Variants in HDAC9 observed in about 807,000 individuals in gnomAD.
The protein encoded by HDAC9 is MEF-2 interacting transcription repressor (MITR) protein.
HDAC9 carries 41 observed loss-of-function variants against 139.4 expected under a neutral mutation model. That is an observed-to-expected ratio of 0.29 (90% confidence interval 0.23 to 0.38). HDAC9 has a LOEUF of 0.38. Ranked by LOEUF, HDAC9 falls within the 10% of genes least tolerant of loss-of-function variation. The pLI, the probability that HDAC9 is intolerant of heterozygous loss-of-function variation, is 1.00. For synonymous variants in HDAC9, 517 were observed against 476.2 expected (o/e 1.09, Z -1.12); for missense variants, 1,147 against 1,297.0 (o/e 0.88, Z 1.78).
At chr7:18,418,660 G>C (rs532026550) in intron 1 of HDAC9, among the ~76,000 whole-genome samples, 1 of 151,900 alleles carries the variant, frequency 6.6e-6, no homozygotes, top group African/African-American at 2.4e-5. Flanking sequence ...TTTTTACTTT[G>C]TCATTCTTAT....
intron 2 of HDAC9, among the ~76,000 whole-genome samples, chr7:18,559,566 C>T (rs1819938954): frequency 6.6e-6 from 1 of 152,090 alleles, no homozygotes; most frequent in Non-Finnish European, 1.5e-5. Context: ...AAGACATTCC[C>T]CATCTCTTTT....
Position 18,859,848 on chromosome 7 carries a change from A to ATGTGTGTGTGTGTGTGTGTGTGTG in HDAC9, c.2685-14629_2685-14628insGTGTGTGTGTGTGTGTGTGTGTGT, listed in dbSNP as rs1241299800. On this transcript the variant is annotated intron_variant, in intron 21 of 25. Transcript: ENST00000686413. ...TATATATATATATATATATATATAT[A>ATGTGTGTGTGTGTGTGTGTGTGTG]TATATATATATGTGAGAGAATGAGA... 1.5e-4 allele frequency among the ~76,000 whole-genome samples: 18 copies of ATGTGTGTGTGTGTGTGTGTGTGTG among 122,298 alleles called. 1 individual carries two copies. The highest frequency in any genetic ancestry group is 3.0e-4 in the African/African-American group (9 of 30,492). The allele number at this position is 122,298 out of a possible 152,430, so 80.2% of individuals were successfully genotyped here. A position where few individuals can be genotyped will look rare whatever the true frequency, so the allele number is the denominator to read the frequency against.
At chr7:18,954,541 A>G (rs188565475) in intron 24 of HDAC9, among the ~76,000 whole-genome samples, 32 of 151,688 alleles carry the variant, frequency 2.1e-4, no homozygotes, top group Admixed American at 1.2e-3. Flanking sequence ...TTGTAATCCA[A>G]TCTTAATGAA....
chr7:18,399,990 G>C (rs1014525026), intron 1 of HDAC9, among the ~76,000 whole-genome samples: 2 of 152,174 alleles, frequency 1.3e-5, no homozygotes, highest in African/African-American at 4.8e-5. Context: ...AGGGTACCTA[G>C]GGCCTTCTTA....
rs140235558 is a variant in HDAC9, at chr7:18,324,814, C to G, written c.-42+34299C>G. On this transcript the variant is annotated intron_variant, in intron 1 of 3. Transcript: ENST00000413509. ...GTCCCTTTAATAACTTTAGCATTTACAGAAATAATTATAATGCAGGGTATA... is the reference window on the plus strand; with the variant it reads ...GTCCCTTTAATAACTTTAGCATTTAGAGAAATAATTATAATGCAGGGTATA... 4.0e-3 allele frequency among the ~76,000 whole-genome samples: 613 copies of G among 152,196 alleles called. 6 individuals carry two copies. The highest frequency in any genetic ancestry group is 0.014 in the African/African-American group (585 of 41,532).
intron 1 of HDAC9, among the ~76,000 whole-genome samples, chr7:18,133,482 G>C (rs1288974761): frequency 2.0e-5 from 3 of 152,066 alleles, no homozygotes; most frequent in Non-Finnish European, 2.9e-5. Context: ...GCTAAGTCTG[G>C]TAGCTTTGGC....
At chr7:18,700,680 C>G (rs941461955) in intron 12 of HDAC9, among the ~76,000 whole-genome samples, 1 of 152,174 alleles carries the variant, frequency 6.6e-6, no homozygotes, top group African/African-American at 2.4e-5. Flanking sequence ...GTCTACTCTG[C>G]TAGGTCTAGG....
chr7:18,486,359 T>G (rs1795975054), intron 1 of HDAC9, among the ~76,000 whole-genome samples: 1 of 152,154 alleles, frequency 6.6e-6, no homozygotes, highest in Admixed American at 6.6e-5. Context: ...TATATCTCTC[T>G]GATCTAGAAA....
chr7:18,275,987 A>G (rs896683512), intron 2 of HDAC9, among the ~76,000 whole-genome samples: 1 of 152,214 alleles, frequency 6.6e-6, no homozygotes, highest in Admixed American at 6.5e-5. Context: ...GAGTACAGGT[A>G]TAGTAGACTC....
intron 13 of HDAC9, among the ~76,000 whole-genome samples, chr7:18,729,560 G>C (rs1182117401): frequency 6.6e-6 from 1 of 152,106 alleles, no homozygotes; most frequent in Non-Finnish European, 1.5e-5. Flanking sequence ...AATGGATAGG[G>C]TTTGTAGACC....
chr7:18,786,777 T>C (rs1791837826), intron 16 of HDAC9, among the ~76,000 whole-genome samples: 1 of 129,720 alleles, frequency 7.7e-6, no homozygotes, highest in African/African-American at 3.4e-5. Context: ...TCTCTTTCTT[T>C]CTTTTCTTTC....
At chr7:18,428,760 G>A (rs897789174) in intron 1 of HDAC9, among the ~76,000 whole-genome samples, 1 of 152,116 alleles carries the variant, frequency 6.6e-6, no homozygotes, top group Non-Finnish European at 1.5e-5. Context: ...CTGCCTCAGA[G>A]TAAAAGCAAA....
At position 18,857,416 on chromosome 7, in the gene HDAC9, G is replaced by T. The variant is rs76931863; in HGVS notation, c.2685-17062G>T. 3.0e-3 allele frequency among the ~76,000 whole-genome samples: 457 copies of T among 150,024 alleles called. 2 individuals are homozygous for T. Among genetic ancestry groups the T allele is most frequent in the African/African-American group, 0.011 (431 of 40,708 alleles). ...TGAAATGTACTTTTTTGTTTGTTGT[G>T]GTTTGAGAATTTTGAAAGCCACTGT... On this transcript the variant is annotated intron_variant, in intron 21 of 25. Transcript: ENST00000686413.
At chr7:18,409,702 T>A (rs1298231141) in intron 1 of HDAC9, among the ~76,000 whole-genome samples, 1 of 152,242 alleles carries the variant, frequency 6.6e-6, no homozygotes, top group Non-Finnish European at 1.5e-5. Flanking sequence ...TACAAAGACA[T>A]ATACTGTGGC....
Position 19,001,681 on chromosome 7 carries a change from T to G in HDAC9, c.*5619T>G, listed in dbSNP as rs1016812038. ...TACACTTTAATAGTCTCAAATTCTT[T>G]CTGGGGAAGCAACGTCAGTGTCTAC... On this transcript the variant is annotated 3_prime_UTR_variant, in exon 26 of 26. Transcript: ENST00000686413. 2.0e-5 allele frequency: 3 copies of G among 152,080 alleles called. No individual in the cohort carries two copies. Among genetic ancestry groups the G allele is most frequent in the African/African-American group, 7.2e-5 (3 of 41,442 alleles). 9.4% of individuals were successfully genotyped at this position (152,080 alleles called of 1,614,324 possible). A position where few individuals can be genotyped will look rare whatever the true frequency, so the allele number is the denominator to read the frequency against.
At chr7:18,285,215 A>C (rs1797359627) in intron 2 of HDAC9, among the ~76,000 whole-genome samples, 1 of 152,108 alleles carries the variant, frequency 6.6e-6, no homozygotes, top group Admixed American at 6.5e-5. Context: ...TGGGTCATTA[A>C]TACCAAGTCA....
At position 18,173,887 on chromosome 7, in the gene HDAC9, C is replaced by T. The variant is rs1209282593; in HGVS notation, c.25+11538C>T. On this transcript the variant is annotated intron_variant, in intron 2 of 12. Coordinates refer to the HDAC9 transcript ENST00000417496. ...TGGCTGCCCTTAACAGTTTTTCCTT[C>T]GTTTCAACCTTGGTGAATCTGACAA... Among the ~76,000 whole-genome samples the T allele has an allele frequency of 3.3e-5, 5 of 152,298 alleles. No individual in the cohort carries two copies. The East Asian group carries it at 5.8e-4, about 18-fold the overall frequency.
intron 1 of HDAC9, among the ~76,000 whole-genome samples, chr7:18,344,967 G>T (rs981629109): frequency 1.3e-5 from 2 of 151,968 alleles, no homozygotes; most frequent in African/African-American, 2.4e-5. Context: ...ATTCCACAGA[G>T]AGCTTGCATA....
At chr7:18,307,944 A>G (rs529884984) in intron 1 of HDAC9, among the ~76,000 whole-genome samples, 115 of 152,352 alleles carry the variant, frequency 7.5e-4, no homozygotes, top group African/African-American at 2.3e-3. Flanking sequence ...ATATGCACCA[A>G]TGGTTCTCCA....
Sources: gnomAD v4.1 joint callset for allele counts (sites outside exome capture counted in the v4.1 genomes callset) on GRCh38, gnomAD v4.1.1 for gene constraint, MANE v1.5 for transcripts, NCBI Gene and HGNC (gene_info 2026-07-23, HGNC 2026-07-21) for gene names.